The following MERTK variants were observed in gnomAD, a reference collection of about 807,000 sequenced individuals.
MERTK encodes the protein tyrosine-protein kinase Mer.
Under a neutral mutation model 99.3 loss-of-function variants are expected in MERTK, and 69 were observed. That is an observed-to-expected ratio of 0.70 (90% confidence interval 0.57 to 0.85). MERTK has a LOEUF of 0.85. Ranked by LOEUF, MERTK falls within the 40% of genes least tolerant of loss-of-function variation. The pLI, the probability that MERTK is intolerant of heterozygous loss-of-function variation, is 0.00. For synonymous variants in MERTK, 426 were observed against 467.6 expected (o/e 0.91, Z 1.15); for missense variants, 1,125 against 1,249.4 (o/e 0.90, Z 1.50).
At chr2:111,947,293 A>G in intron 3 of MERTK, 101 bp from the exon 4 acceptor site, 1 of 1,129,644 alleles carries the variant, frequency 8.9e-7, no homozygotes, top group Non-Finnish European at 1.3e-6. Flanking sequence ...CCACAAAAAA[A>G]GAAATCTATT....
At chr2:112,000,859 C>G (rs1169594580) in intron 10 of MERTK, among the ~76,000 whole-genome samples, 4 of 152,158 alleles carry the variant, frequency 2.6e-5, no homozygotes, top group Admixed American at 6.5e-5. Context: ...TTCTTCCATT[C>G]ATTCATTCAA....
intron 2 of MERTK, among the ~76,000 whole-genome samples, chr2:111,936,824 G>A (rs1468751834): frequency 6.6e-6 from 1 of 152,054 alleles, no homozygotes; most frequent in Non-Finnish European, 1.5e-5. Context: ...ACCTTTCACT[G>A]GAGTCTCCAA....
chr2:111,965,765 T>G (rs1225257359), intron 5 of MERTK, among the ~76,000 whole-genome samples: 2 of 152,092 alleles, frequency 1.3e-5, no homozygotes, highest in African/African-American at 4.8e-5. Context: ...ACCTACTGAC[T>G]CAGGGAGACA....
chr2:111,977,949 TTTTC>T (rs1262185437), intron 7 of MERTK, among the ~76,000 whole-genome samples: 1 of 152,052 alleles, frequency 6.6e-6, no homozygotes, highest in African/African-American at 2.4e-5. Context: ...TACTTTCCTT[TTTTC>T]TTTCTTTCTT....
At chr2:112,007,247 C>T (rs1024191351) in intron 13 of MERTK, among the ~76,000 whole-genome samples, 11 of 152,182 alleles carry the variant, frequency 7.2e-5, no homozygotes, top group South Asian at 2.1e-4. Flanking sequence ...CTCCGCCTCC[C>T]GGATTCAGGC....
chr2:112,004,704 G>A (rs999426228), intron 13 of MERTK, among the ~76,000 whole-genome samples: 3 of 152,152 alleles, frequency 2.0e-5, no homozygotes, highest in African/African-American at 2.4e-5. Flanking sequence ...AAGGTCAGGA[G>A]TTTGAGACCA....
At chr2:111,904,262 C>T (rs1684096507) in intron 1 of MERTK, among the ~76,000 whole-genome samples, 1 of 152,190 alleles carries the variant, frequency 6.6e-6, no homozygotes, top group Non-Finnish European at 1.5e-5. Flanking sequence ...AGTCCAGTTC[C>T]TGTTCAACTT....
At position 111,992,270 on chromosome 2, in the gene MERTK, A is replaced by G. The variant is rs112574901; in HGVS notation, c.1297-1981A>G. 5.1e-3 allele frequency among the ~76,000 whole-genome samples: 773 copies of G among 152,204 alleles called. 5 individuals carry two copies. Among genetic ancestry groups the G allele is most frequent in the Non-Finnish European group, 8.8e-3 (596 of 68,010 alleles). ...CCAATCACAGTTCTACATGGTTGTC[A>G]ATCACGCCTATCCAATGGAGCCTCC... On this transcript the variant is annotated intron_variant, in intron 8 of 18. Transcript: ENST00000295408.
intron 2 of MERTK, among the ~76,000 whole-genome samples, chr2:111,944,582 G>T (rs1284098136): frequency 1.2e-3 from 1 of 862 alleles, no homozygotes; most frequent in Non-Finnish European, 3.0e-3. Context: ...AGGGTGTTGG[G>T]TGGAGACCCA....
chr2:112,028,501 G>A lies in MERTK; in HGVS notation c.2637G>A (p.Glu879=), dbSNP rs139897984. The A allele has an allele frequency of 1.9e-6, 3 of 1,614,078 alleles. No individual in the cohort carries two copies. Among genetic ancestry groups the A allele is most frequent in the Non-Finnish European group, 2.5e-6 (3 of 1,180,052 alleles). The change falls in exon 19 of 19, where the codon GAG becomes GAA. Residue 879 remains glutamate, a synonymous_variant. Transcript: ENST00000295408. ...TTTACGTCAATACACAGTTGCTGGAGAGCTCTGAGGGCCTGGCCCAGGGCT... is the reference window on the plus strand; with the variant it reads ...TTTACGTCAATACACAGTTGCTGGAAAGCTCTGAGGGCCTGGCCCAGGGCT... ...DVIYVNTQLL[E]SSEGLAQGST... is the part of the protein sequence containing the mutation.
intron 17 of MERTK, among the ~76,000 whole-genome samples, chr2:112,021,914 G>A (rs1366171969): frequency 6.6e-6 from 1 of 152,094 alleles, no homozygotes; most frequent in Non-Finnish European, 1.5e-5. Context: ...ACTGGCTCTT[G>A]GAACCTAGAT....
chr2:111,987,375 C>G (rs552300429), intron 8 of MERTK, among the ~76,000 whole-genome samples: 3 of 152,110 alleles, frequency 2.0e-5, no homozygotes, highest in Non-Finnish European at 2.9e-5. Flanking sequence ...CTTTTTTGTT[C>G]TATTTTTCTT....
At chr2:111,998,419 G>T (rs566762888) in intron 10 of MERTK, among the ~76,000 whole-genome samples, 2 of 152,322 alleles carry the variant, frequency 1.3e-5, no homozygotes, top group African/African-American at 4.8e-5. Flanking sequence ...TTAAAGGCCT[G>T]CTAGGCACTG....
At chr2:111,957,472 G>A (rs954266539) in intron 4 of MERTK, among the ~76,000 whole-genome samples, 5 of 150,118 alleles carry the variant, frequency 3.3e-5, no homozygotes, top group Non-Finnish European at 5.9e-5. Flanking sequence ...ATACCCCCCC[G>A]CCCATCATTT....
At chr2:111,975,513 A>G (rs1465524466) in intron 7 of MERTK, 41 bp downstream of exon 7, 4 of 1,598,596 alleles carry the variant, frequency 2.5e-6, no homozygotes, top group Non-Finnish European at 2.6e-6. Flanking sequence ...CCCCAATGAC[A>G]TGTGATTCAA....
chr2:111,980,467 G>A (rs974603754), intron 7 of MERTK, among the ~76,000 whole-genome samples: 2 of 139,926 alleles, frequency 1.4e-5, no homozygotes, highest in Non-Finnish European at 3.0e-5. Flanking sequence ...CGCCCAGGCC[G>A]GACTGCAGTG....
chr2:111,997,226 T>C (rs752796982), intron 9 of MERTK, 97 bp from the exon 10 acceptor site: 1 of 1,361,690 alleles, frequency 7.3e-7, no homozygotes, highest in Admixed American at 1.7e-5. Flanking sequence ...AAGATTTAAC[T>C]GAGTTCTGAA....
intron 2 of MERTK, among the ~76,000 whole-genome samples, chr2:111,935,918 A>G (rs1414488692): frequency 2.7e-5 from 4 of 150,482 alleles, no homozygotes; most frequent in Non-Finnish European, 5.9e-5. Context: ...GTCTTCAAAA[A>G]AATTTTTTTG....
At chr2:111,904,822 T>A (rs1170839831) in intron 1 of MERTK, among the ~76,000 whole-genome samples, 2 of 152,168 alleles carry the variant, frequency 1.3e-5, no homozygotes, top group Non-Finnish European at 2.9e-5. Flanking sequence ...TTGTAGGAAA[T>A]GCAAAGGGCG....
Sources: allele counts gnomAD v4.1 joint callset (sites outside exome capture counted in the v4.1 genomes callset), GRCh38; gene constraint gnomAD v4.1.1; transcripts MANE v1.5; gene names NCBI Gene and HGNC (gene_info 2026-07-23, HGNC 2026-07-21).